Variants in ZMYND8 observed in about 807,000 individuals in gnomAD.
ZMYND8 encodes the protein zinc finger MYND-type containing 8.
ZMYND8 carries 37 observed loss-of-function variants against 140.8 expected under a neutral mutation model. The observed-to-expected ratio is 0.26, with a 90% CI of 0.20 to 0.35. The LOEUF is 0.35. Ranked by LOEUF, ZMYND8 falls within the 10% of genes least tolerant of loss-of-function variation. The pLI is 1.00. For missense variants in ZMYND8, 1,068 were observed against 1,570.0 expected, an observed-to-expected ratio of 0.68 and a Z score of 5.40; for synonymous variants, 592 against 597.1, an observed-to-expected ratio of 0.99 and a Z score of 0.12.
chr20:47,327,942 G>C (rs1306089533), intron 2 of ZMYND8, among the ~76,000 whole-genome samples: 1 of 152,070 alleles, frequency 6.6e-6, no homozygotes, highest in Non-Finnish European at 1.5e-5. Context: ...AGCCTCCCAC[G>C]TAGCTGAGGC....
intron 12 of ZMYND8, among the ~76,000 whole-genome samples, chr20:47,255,489 A>T (rs2074527750): frequency 6.7e-6 from 1 of 150,004 alleles, no homozygotes; most frequent in African/African-American, 2.5e-5. Flanking sequence ...TGGAGATATA[A>T]ATATATATAT....
intron 14 of ZMYND8, among the ~76,000 whole-genome samples, chr20:47,245,524 G>A (rs1314173885): frequency 6.6e-6 from 1 of 152,194 alleles, no homozygotes; most frequent in Non-Finnish European, 1.5e-5. Flanking sequence ...GGGATTACAG[G>A]CGTGAGCCAC....
intron 2 of ZMYND8, among the ~76,000 whole-genome samples, chr20:47,326,084 A>T (rs1466013949): frequency 6.6e-6 from 1 of 152,154 alleles, no homozygotes; most frequent in African/African-American, 2.4e-5. Context: ...CAGCCTCTTG[A>T]GTAGCTGGGA....
intron 16 of ZMYND8, among the ~76,000 whole-genome samples, chr20:47,232,097 A>G (rs2038570546): frequency 6.6e-6 from 1 of 152,170 alleles, no homozygotes; most frequent in African/African-American, 2.4e-5. Context: ...CTGGACAGGC[A>G]CAGTGGCTCA....
At chr20:47,327,480 C>G (rs917810368) in intron 2 of ZMYND8, among the ~76,000 whole-genome samples, 2 of 151,764 alleles carry the variant, frequency 1.3e-5, no homozygotes, top group Non-Finnish European at 2.9e-5. Context: ...ATGATGAAAC[C>G]CTGCCTCTAC....
intron 11 of ZMYND8, among the ~76,000 whole-genome samples, chr20:47,263,394 A>T (rs915489979): frequency 6.6e-6 from 1 of 152,238 alleles, no homozygotes; most frequent in Non-Finnish European, 1.5e-5. Context: ...GAGACTCCCC[A>T]GGGGCTTCGA....
chr20:47,327,152 A>G (rs376132776), intron 2 of ZMYND8, among the ~76,000 whole-genome samples: 1 of 151,920 alleles, frequency 6.6e-6, no homozygotes, highest in Admixed American at 6.6e-5. Flanking sequence ...TAGTAGCTGG[A>G]ATTACAGGCA....
chr20:47,282,088 T>C lies in ZMYND8; in HGVS notation c.998+14A>G. ...GTGAAAGCTACATGTTCCAAGCCTG[T>C]TATTAACTCCCACCTGTCATGTTGT... On this transcript the variant is annotated intron_variant, in intron 10 of 22. Transcript: ENST00000471951. 6.2e-7 allele frequency: 1 copy of C among 1,607,184 alleles called. No homozygotes were observed.
chr20:47,303,636 C>T (rs1158477454), intron 3 of ZMYND8, among the ~76,000 whole-genome samples: 2 of 151,716 alleles, frequency 1.3e-5, no homozygotes, highest in Non-Finnish European at 2.9e-5. Context: ...GTGGAGGTTG[C>T]GGTGAGCCAA....
chr20:47,216,672 T>C (rs910954776), intron 21 of ZMYND8, among the ~76,000 whole-genome samples: 3 of 151,636 alleles, frequency 2.0e-5, no homozygotes, highest in Non-Finnish European at 4.4e-5. Context: ...CTGGGTGTGG[T>C]GGTGCACACC....
intron 21 of ZMYND8, 151 bp downstream of exon 21, chr20:47,220,107 A>ACCCC: frequency 1.6e-6 from 1 of 620,098 alleles, no homozygotes; most frequent in South Asian, 2.1e-5. Flanking sequence ...CTACCCCCTC[A>ACCCC]CCCCCACTGA....
intron 10 of ZMYND8, among the ~76,000 whole-genome samples, chr20:47,278,926 T>A (rs1336933102): frequency 6.6e-6 from 1 of 151,910 alleles, no homozygotes; most frequent in Non-Finnish European, 1.5e-5. Flanking sequence ...TGACTCCCCC[T>A]TCCTGAGCTA....
intron 2 of ZMYND8, among the ~76,000 whole-genome samples, chr20:47,331,804 G>A (rs948819740): frequency 6.6e-6 from 1 of 152,154 alleles, no homozygotes; most frequent in Admixed American, 6.6e-5. Flanking sequence ...CCTGGAAAAG[G>A]CAACACAGAG....
At chr20:47,239,769 T>C (rs1003109185) in intron 14 of ZMYND8, among the ~76,000 whole-genome samples, 1 of 152,144 alleles carries the variant, frequency 6.6e-6, no homozygotes, top group African/African-American at 2.4e-5. Context: ...GCCAGAACCT[T>C]CCCCCAACGC....
At position 47,254,253 on chromosome 20, in the gene ZMYND8, G is replaced by A. The variant is rs539610133; in HGVS notation, c.1622-4814C>T. Among the ~76,000 whole-genome samples, 6 of 152,316 alleles carry A rather than the reference G, an allele frequency of 3.9e-5. No homozygotes were observed. The South Asian group carries it at 8.3e-4, about 21-fold the overall frequency. On this transcript the variant is annotated intron_variant, in intron 12 of 22. Transcript: ENST00000471951. Reference sequence around the variant, plus strand: ...ATACTCACGCTAGAGAAAAAGGCACGATCTTACATTTCTGGAGGGAGCATA... The same window carrying A: ...ATACTCACGCTAGAGAAAAAGGCACAATCTTACATTTCTGGAGGGAGCATA...
Position 47,262,398 on chromosome 20 carries a change from G to T in ZMYND8, c.1511C>A (p.Ala504Glu). 6.2e-7 allele frequency: 1 copy of T among 1,614,090 alleles called. No individual in the cohort carries two copies. ...CTTTGGGCTGCCGGATAAACTCCCT[G>T]CTTGTCCCGTCTTGGTGGAGGCTGG... Reference protein sequence around the residue: ...ASPASTKTGQAGSLSGSPKPF... With the variant: ...ASPASTKTGQEGSLSGSPKPF... The change falls in exon 12 of 23, where the codon GCA (alanine) becomes GAA (glutamate). Residue 504 changes from alanine to glutamate, a missense_variant. Around this residue, in one of 10 missense-constraint regions of ZMYND8, gnomAD observed 173 missense variants for 223.3 expected, o/e 0.77. Transcript: ENST00000471951.
intron 22 of ZMYND8, 64 bp downstream of exon 22, chr20:47,212,578 G>A: frequency 6.4e-7 from 1 of 1,563,990 alleles, no homozygotes; most frequent in East Asian, 2.2e-5. Context: ...GACACACACA[G>A]AACAAGCCTT....
intron 12 of ZMYND8, among the ~76,000 whole-genome samples, chr20:47,261,550 TATC>T (rs10563094): frequency 0.11 from 12,642 of 118,602 alleles, 592 homozygotes; most frequent in East Asian, 0.15. Context: ...AAAAAACAGT[TATC>T]ATCATCATCA....
Position 47,210,845 on chromosome 20 carries a change from T to C in ZMYND8, c.3621A>G (p.Gly1207=), listed in dbSNP as rs1205847593. 1 of 1,614,108 alleles carries C rather than the reference T, an allele frequency of 6.2e-7. No individual in the cohort carries two copies. Among genetic ancestry groups the C allele is most frequent in the Non-Finnish European group, 8.5e-7 (1 of 1,180,022 alleles). ...SSWSSSDEKR[G]STRSDHNTST... ...TGGTGTTGTGATCGGAACGTGTCGA[T>C]CCCCTCTTCTCATCACTGCTGCTCC... The change falls in exon 23 of 23, where the codon GGA becomes GGG. Residue 1207 remains glycine, a synonymous_variant. Transcript: ENST00000471951.
Sources: allele counts gnomAD v4.1 joint callset (sites outside exome capture counted in the v4.1 genomes callset), GRCh38; gene constraint gnomAD v4.1.1; regional missense constraint gnomAD v4.1.1; transcripts MANE v1.5; gene names NCBI Gene and HGNC (gene_info 2026-07-23, HGNC 2026-07-21).